CLIC6: variants seen among roughly 807,000 people sequenced by gnomAD.
The protein encoded by CLIC6 is chloride intracellular channel protein 6.
CLIC6 carries 39 observed loss-of-function variants against 49.2 expected under a neutral mutation model. That is an observed-to-expected ratio of 0.79 (90% CI 0.61 to 1.04). The LOEUF (loss-of-function observed/expected upper bound fraction) is 1.04, where lower values mean the gene tolerates loss of function less well. Among genes scored for constraint, CLIC6 ranks in the 50% least tolerant of loss-of-function variants. The pLI is 0.00. For synonymous variants in CLIC6, 446 were observed against 433.4 expected, an observed-to-expected ratio of 1.03 and a Z score of -0.36; for missense variants, 988 against 993.1, an observed-to-expected ratio of 0.99 and a Z score of 0.07.
intron 1 of CLIC6, among the ~76,000 whole-genome samples, chr21:34,701,383 T>G (rs1335627805): frequency 6.6e-6 from 1 of 151,504 alleles, no homozygotes; most frequent in Admixed American, 6.6e-5. Flanking sequence ...ATCTCACTAA[T>G]TGAGGCTCGT....
At chr21:34,673,636 T>G (rs1200869193) in intron 1 of CLIC6, among the ~76,000 whole-genome samples, 1 of 152,164 alleles carries the variant, frequency 6.6e-6, no homozygotes, top group Non-Finnish European at 1.5e-5. Context: ...AGCCTCACAG[T>G]ATTGATATTG....
intron 1 of CLIC6, among the ~76,000 whole-genome samples, chr21:34,698,884 C>G (rs1990137004): frequency 6.6e-6 from 1 of 152,156 alleles, no homozygotes. Flanking sequence ...AGGCCCGAGG[C>G]TCTGAGACCC....
At chr21:34,678,771 A>T (rs1050954141) in intron 1 of CLIC6, among the ~76,000 whole-genome samples, 4 of 152,242 alleles carry the variant, frequency 2.6e-5, no homozygotes, top group South Asian at 2.1e-4. Context: ...TGTAAAATTT[A>T]CTTACCATTT....
At chr21:34,699,125 G>A (rs1990141733) in intron 1 of CLIC6, among the ~76,000 whole-genome samples, 1 of 152,142 alleles carries the variant, frequency 6.6e-6, no homozygotes, top group Non-Finnish European at 1.5e-5. Context: ...TTATAAAATG[G>A]GATGAATAAT....
At chr21:34,698,001 T>C (rs1213337678) in intron 1 of CLIC6, among the ~76,000 whole-genome samples, 1 of 152,140 alleles carries the variant, frequency 6.6e-6, no homozygotes, top group Non-Finnish European at 1.5e-5. Flanking sequence ...AGGAGCTCAC[T>C]GTGATAAGGA....
chr21:34,691,603 G>T (rs554373682), intron 1 of CLIC6, among the ~76,000 whole-genome samples: 4 of 151,906 alleles, frequency 2.6e-5, no homozygotes, highest in Non-Finnish European at 5.9e-5. Context: ...TACAGATGAG[G>T]TTTCTTAAAC....
chr21:34,698,041 G>A (rs924439861), intron 1 of CLIC6, among the ~76,000 whole-genome samples: 4 of 151,654 alleles, frequency 2.6e-5, no homozygotes, highest in Non-Finnish European at 4.4e-5. Context: ...ACAGGGTTTC[G>A]CTGTCTCTAT....
chr21:34,708,855 T>C (rs767823115), intron 4 of CLIC6, 49 bp downstream of exon 4: 5 of 1,348,002 alleles, frequency 3.7e-6, no homozygotes, highest in Non-Finnish European at 5.3e-6. Flanking sequence ...ACTTGAGTCT[T>C]AGCATGGCGG....
intron 1 of CLIC6, among the ~76,000 whole-genome samples, chr21:34,672,068 T>C (rs1236035649): frequency 6.6e-6 from 1 of 152,230 alleles, no homozygotes; most frequent in African/African-American, 2.4e-5. Flanking sequence ...TACATGATTC[T>C]GGCACACGGC....
intron 1 of CLIC6, among the ~76,000 whole-genome samples, chr21:34,681,985 C>T (rs1227171912): frequency 6.6e-6 from 1 of 152,172 alleles, no homozygotes; most frequent in African/African-American, 2.4e-5. Flanking sequence ...GAAATCACTC[C>T]TTATCAGTGC....
chr21:34,673,233 C>CT (rs143456354), intron 1 of CLIC6, among the ~76,000 whole-genome samples: 6 of 150,092 alleles, frequency 4.0e-5, no homozygotes, highest in Admixed American at 1.3e-4. Context: ...CAGTTGCTAA[C>CT]TTTTTTTTTT....
intron 1 of CLIC6, among the ~76,000 whole-genome samples, chr21:34,697,723 A>T (rs749857395): frequency 1.4e-4 from 21 of 152,306 alleles, no homozygotes; most frequent in Admixed American, 2.6e-4. Context: ...AACCAGGGTG[A>T]GTTGGTCACG....
chr21:34,676,249 G>A (rs1989668838), intron 1 of CLIC6, among the ~76,000 whole-genome samples: 1 of 150,922 alleles, frequency 6.6e-6, no homozygotes, highest in Non-Finnish European at 1.5e-5. Context: ...AAACCTAGAA[G>A]TGGAAGGAGT....
intron 1 of CLIC6, among the ~76,000 whole-genome samples, chr21:34,675,063 C>T (rs1203577435): frequency 6.6e-6 from 1 of 152,020 alleles, no homozygotes; most frequent in Admixed American, 6.6e-5. Flanking sequence ...AGTCCTGGGC[C>T]ACCCAGGATT....
At chr21:34,684,079 AAC>A (rs1280313404) in intron 1 of CLIC6, among the ~76,000 whole-genome samples, 3 of 148,868 alleles carry the variant, frequency 2.0e-5, no homozygotes, top group Non-Finnish European at 4.4e-5. Flanking sequence ...GGGAGAAGTA[AAC>A]GCTGCTTTTT....
At position 34,670,636 on chromosome 21, in the gene CLIC6, C is replaced by T. The variant is rs1431750011; in HGVS notation, c.1248C>T (p.His416=). The T allele has an allele frequency of 2.6e-6, 4 of 1,554,018 alleles. No individual in the cohort carries two copies. In the East Asian group the frequency reaches 7.2e-5, roughly 28 times the overall value. Residue 416 remains histidine, a synonymous_variant, in exon 1 of 6, where the codon CAC becomes CAT. Coordinates refer to ENST00000349499, the MANE Select transcript of CLIC6 (RefSeq NM_053277.3). ...AAEPEAQLSN[H]LAEEGPAEGS... is the part of the protein sequence containing the mutation. ...AGCCTGAGGCCCAGCTCAGCAACCA[C>T]CTGGCCGAGGAGGGCCCCGCCGAGG... is the stretch of plus-strand genomic sequence containing the variant.
At chr21:34,683,198 C>T (rs909674914) in intron 1 of CLIC6, among the ~76,000 whole-genome samples, 5 of 152,194 alleles carry the variant, frequency 3.3e-5, no homozygotes, top group Admixed American at 6.5e-5. Context: ...GGTAAGAATC[C>T]CTTTTCAAAA....
intron 5 of CLIC6, 94 bp downstream of exon 5, chr21:34,709,632 T>A (rs1314560363): frequency 8.9e-7 from 1 of 1,127,266 alleles, no homozygotes; most frequent in East Asian, 2.5e-5. Flanking sequence ...ATTTAAACAG[T>A]CTGAAATGTG....
intron 1 of CLIC6, among the ~76,000 whole-genome samples, chr21:34,690,861 C>CA (rs33931156): frequency 0.61 from 61,020 of 99,552 alleles, 19,033 homozygotes; most frequent in Middle Eastern, 0.77. Flanking sequence ...TAATACATGT[C>CA]AAAAAAAAAA....
Sources: gnomAD v4.1 joint callset for allele counts (sites outside exome capture counted in the v4.1 genomes callset) on GRCh38, gnomAD v4.1.1 for gene constraint, MANE v1.5 for transcripts, NCBI Gene and HGNC (gene_info 2026-07-23, HGNC 2026-07-21) for gene names.